The following MYCBP2 variants were observed in gnomAD, a reference collection of about 807,000 sequenced individuals.
The protein encoded by MYCBP2 is MYC binding protein 2.
Under a neutral mutation model 525.3 loss-of-function variants are expected in MYCBP2, and 120 were observed. The observed-to-expected ratio is 0.23, with a 90% CI of 0.20 to 0.27. MYCBP2 has a LOEUF of 0.27. Ranked by LOEUF, MYCBP2 falls within the 10% of genes least tolerant of loss-of-function variation. The pLI is 1.00. For synonymous variants in MYCBP2, 1,894 were observed against 1,955.8 expected, an observed-to-expected ratio of 0.97 and a Z score of 0.83; for missense variants, 4,149 against 5,657.1, an observed-to-expected ratio of 0.73 and a Z score of 8.55.
Position 77,095,538 on chromosome 13 carries a change from G to A in MYCBP2, c.10019C>T (p.Ala3340Val). The A allele has an allele frequency of 6.2e-7, 1 of 1,613,576 alleles. No homozygotes were observed. Among genetic ancestry groups the A allele is most frequent in the Non-Finnish European group, 8.5e-7 (1 of 1,179,700 alleles). The change falls in exon 58 of 83, where the codon GCT becomes GTT. Residue 3340 changes from alanine to valine, a missense_variant. Ala to Val is a moderately conservative substitution (Grantham distance 64). Around this residue, in one of 21 missense-constraint regions of MYCBP2, gnomAD observed 509 missense variants for 789.4 expected, o/e 0.64. Transcript: ENST00000544440. ...KTPRALPTME[A>V]HQVIKANALF... ...TGCATTGGCTTTAATCACCTGGTGA[G>A]CTTCCATGGTGGGCAAGGCACGAGG...
chr13:77,051,364 A>T (rs928625211), intron 81 of MYCBP2, among the ~76,000 whole-genome samples: 4 of 152,264 alleles, frequency 2.6e-5, no homozygotes, highest in African/African-American at 9.6e-5. Context: ...CTGGACAAAG[A>T]TCCAAGTTCT....
intron 82 of MYCBP2, among the ~76,000 whole-genome samples, chr13:77,046,707 C>CA (rs986405799): frequency 1.6e-4 from 24 of 152,170 alleles, no homozygotes. Flanking sequence ...CAGCTAATCT[C>CA]AGAGAAGTCA....
chr13:77,082,937 C>T (rs182089488), intron 63 of MYCBP2, 95 bp downstream of exon 63: 6 of 1,242,024 alleles, frequency 4.8e-6, no homozygotes, highest in Non-Finnish European at 6.7e-6. Flanking sequence ...TTCTATCTTA[C>T]TATTTAAAGA....
chr13:77,241,222 G>A (rs976652292), intron 17 of MYCBP2, among the ~76,000 whole-genome samples: 1 of 152,084 alleles, frequency 6.6e-6, no homozygotes, highest in Non-Finnish European at 1.5e-5. Context: ...GTTATGTCAA[G>A]TTATCAATGC....
intron 71 of MYCBP2, among the ~76,000 whole-genome samples, 155 bp downstream of exon 71, chr13:77,067,426 T>A (rs1205053305): frequency 6.6e-6 from 1 of 152,216 alleles, no homozygotes; most frequent in Non-Finnish European, 1.5e-5. Flanking sequence ...ATGACACTTT[T>A]ATTATATACA....
intron 32 of MYCBP2, among the ~76,000 whole-genome samples, chr13:77,182,158 G>A (rs1566838541): frequency 6.6e-6 from 1 of 152,092 alleles, no homozygotes; most frequent in Non-Finnish European, 1.5e-5. Flanking sequence ...TCAGGCTCCT[G>A]TCCTCTAGTA....
At chr13:77,323,815 C>T (rs934167055) in intron 1 of MYCBP2, among the ~76,000 whole-genome samples, 6 of 152,136 alleles carry the variant, frequency 3.9e-5, no homozygotes, top group Non-Finnish European at 5.9e-5. Flanking sequence ...CAATAAACTC[C>T]CAGTCTTTAT....
chr13:77,255,477 A>G (rs2072017111), intron 14 of MYCBP2, among the ~76,000 whole-genome samples: 1 of 151,984 alleles, frequency 6.6e-6, no homozygotes, highest in African/African-American at 2.4e-5. Context: ...GTTTCAGAAT[A>G]AGGAAACAAT....
In MYCBP2 at chr13:77,103,377, C is replaced by T. The variant is rs149960121; in HGVS notation, c.8141-4364G>A. The T allele has an allele frequency of 1.4e-3, 569 of 396,278 alleles. 1 individual carries two copies. Among genetic ancestry groups the T allele is most frequent in the African/African-American group, 0.011 (521 of 48,618 alleles). The allele number at this position is 396,278 out of a possible 1,614,324, so 24.5% of individuals were successfully genotyped here. On this transcript the variant is annotated intron_variant, in intron 55 of 82. Coordinates refer to ENST00000544440, the MANE Select transcript of MYCBP2 (RefSeq NM_015057.5). ...TGGAAAAAAAATTTAGCAGAGAACA[C>T]AAGCAAAAACAAAGCATTTCAAATG...
rs748330803 is a variant in MYCBP2 at position 77,061,808 on chromosome 13, C to T, written c.12775-18G>A. On this transcript the variant is annotated intron_variant, in intron 74 of 82. Transcript: ENST00000544440. ...CACATAGGCTAAAATAAGACATTTC[C>T]ACGTTACTTAGATTAACAAGCAAGT... 3 of 1,554,228 alleles carry T rather than the reference C, an allele frequency of 1.9e-6. No individual in the cohort carries two copies. Among genetic ancestry groups the T allele is most frequent in the Non-Finnish European group, 1.7e-6 (2 of 1,143,434 alleles).
intron 72 of MYCBP2, among the ~76,000 whole-genome samples, chr13:77,065,211 T>G (rs1811976825): frequency 6.6e-6 from 1 of 152,182 alleles, no homozygotes; most frequent in Non-Finnish European, 1.5e-5. Flanking sequence ...ATAATTTAGG[T>G]GTTCCTAAAT....
chr13:77,154,548 G>C (rs947378365), intron 46 of MYCBP2, among the ~76,000 whole-genome samples: 1 of 151,956 alleles, frequency 6.6e-6, no homozygotes, highest in African/African-American at 2.4e-5. Context: ...AAGGTGCAAA[G>C]GAGAAAACAC....
At chr13:77,244,027 AC>A in intron 15 of MYCBP2, 76 bp from the exon 16 acceptor site, 2 of 1,396,372 alleles carry the variant, frequency 1.4e-6, no homozygotes, top group Non-Finnish European at 1.9e-6. Context: ...CTTTTCTATA[AC>A]TTATTTTCCA....
At chr13:77,285,353 T>C (rs1034832026) in intron 3 of MYCBP2, among the ~76,000 whole-genome samples, 15 of 152,332 alleles carry the variant, frequency 9.8e-5, no homozygotes, top group African/African-American at 3.6e-4. Context: ...ATACAAGTCC[T>C]CCAGCCCTAC....
chr13:77,164,652 C>T (rs895319739), intron 42 of MYCBP2, 111 bp from the exon 43 acceptor site: 26 of 708,818 alleles, frequency 3.7e-5, no homozygotes, highest in Admixed American at 8.3e-5. Context: ...GAAGGAAGCA[C>T]GTGAAGCTAA....
At position 77,326,725 on chromosome 13, in the gene MYCBP2, G is replaced by A. The variant is rs1301129482; in HGVS notation, c.51C>T (p.Leu17=). The A allele has an allele frequency of 3.5e-6, 5 of 1,409,866 alleles. No homozygotes were observed. Among genetic ancestry groups the A allele is most frequent in the African/African-American group, 1.5e-5 (1 of 65,392 alleles). The allele number at this position is 1,409,866 out of a possible 1,614,324, so 87.3% of individuals were successfully genotyped here. A position where few individuals can be genotyped will look rare whatever the true frequency, so the allele number is the denominator to read the frequency against. ...CGGCTGGGTAGAATCCGTCCCCGCC[G>A]AGCCCCGAGGAGGCGGCGGCGGGGG... is the stretch of plus-strand genomic sequence containing the variant. ...TASPAAASSG[L]GGDGFYPAAT... The change falls in exon 1 of 83, where the codon CTC becomes CTT. Residue 17 remains leucine (L), a synonymous_variant. Transcript: ENST00000544440. This position sits in a 1 kb window ranked among gnomAD's most constrained non-coding sequence, Gnocchi z 4.2.
intron 46 of MYCBP2, among the ~76,000 whole-genome samples, chr13:77,154,416 GA>G (rs200386850): frequency 3.3e-4 from 43 of 131,652 alleles, no homozygotes; most frequent in East Asian, 1.3e-3. Flanking sequence ...AAGAAGAGAG[GA>G]AAAAAAAAAG....
At chr13:77,259,650 A>G (rs1190157677) in intron 13 of MYCBP2, among the ~76,000 whole-genome samples, 1 of 152,208 alleles carries the variant, frequency 6.6e-6, no homozygotes, top group Non-Finnish European at 1.5e-5. Flanking sequence ...ATTAATTGCT[A>G]TAAATGTTCT....
intron 5 of MYCBP2, 65 bp from the exon 6 acceptor site, chr13:77,270,603 T>C: frequency 6.9e-7 from 1 of 1,445,508 alleles, no homozygotes; most frequent in East Asian, 2.3e-5. Flanking sequence ...AGAACAAAGA[T>C]ACTTTGGTAA....
Sources: allele counts gnomAD v4.1 joint callset (sites outside exome capture counted in the v4.1 genomes callset), GRCh38; gene constraint gnomAD v4.1.1; regional missense constraint gnomAD v4.1.1; non-coding constraint Gnocchi (gnomAD v3.1); transcripts MANE v1.5; gene names NCBI Gene and HGNC (gene_info 2026-07-23, HGNC 2026-07-21).